CEP128: variants seen among roughly 807,000 people sequenced by gnomAD.
CEP128 encodes the protein centrosomal protein 128kDa.
In CEP128, 132 loss-of-function variants were observed where a neutral mutation model predicts 156.7. That is an observed-to-expected ratio of 0.84 (90% CI 0.73 to 0.97). The LOEUF (loss-of-function observed/expected upper bound fraction) is 0.97. Among genes scored for constraint, CEP128 ranks in the 50% least tolerant of loss-of-function variants. CEP128 has a pLI of 0.00. For missense variants in CEP128, 1,252 were observed against 1,281.9 expected (o/e 0.98, Z 0.36); for synonymous variants, 469 against 448.9 (o/e 1.04, Z -0.57).
chr14:80,589,921 T>C (rs537934144), intron 19 of CEP128, among the ~76,000 whole-genome samples: 1 of 152,298 alleles, frequency 6.6e-6, no homozygotes, highest in Non-Finnish European at 1.5e-5. Context: ...TAAATTAGTT[T>C]AATATTATAC....
chr14:80,653,064 C>A (rs992395655), intron 19 of CEP128, among the ~76,000 whole-genome samples: 1 of 152,132 alleles, frequency 6.6e-6, no homozygotes, highest in Non-Finnish European at 1.5e-5. Context: ...TGGAAACCAT[C>A]ATTCTCAGCA....
chr14:80,932,157 C>T lies in CEP128; in HGVS notation c.-16+7228G>A, dbSNP rs190644507. 9.1e-4 allele frequency among the ~76,000 whole-genome samples: 139 copies of T among 152,348 alleles called. 2 individuals carry two copies. In the South Asian group the frequency reaches 0.014, roughly 15 times the overall value. On this transcript the variant is annotated intron_variant, in intron 2 of 24. Transcript: ENST00000555265. ...AAGGATGTGTTTGCATCCCTTCCAC[C>T]ACGATTGTAGGTTTCCTGAGGCCTC...
At chr14:80,664,017 A>T (rs1290376134) in intron 19 of CEP128, among the ~76,000 whole-genome samples, 1 of 152,154 alleles carries the variant, frequency 6.6e-6, no homozygotes, top group Non-Finnish European at 1.5e-5. Flanking sequence ...AATATCACCC[A>T]TATCTGCCCC....
chr14:80,766,965 A>C (rs1481533146), intron 16 of CEP128, among the ~76,000 whole-genome samples: 47 of 152,288 alleles, frequency 3.1e-4, no homozygotes, highest in Non-Finnish European at 8.8e-5. Context: ...GTTTTGAGGA[A>C]GAATATTTTC....
At chr14:80,778,447 C>A (rs61979426) in intron 15 of CEP128, among the ~76,000 whole-genome samples, 1 of 152,320 alleles carries the variant, frequency 6.6e-6, no homozygotes, top group East Asian at 1.9e-4. Flanking sequence ...AAGGGAAATA[C>A]TATGAGATGT....
intron 19 of CEP128, among the ~76,000 whole-genome samples, chr14:80,583,712 T>A (rs1344105658): frequency 1.3e-5 from 2 of 152,224 alleles, no homozygotes. Context: ...CACCCTTGAC[T>A]GAAGCCCACA....
chr14:80,884,636 T>C (rs1013103087), intron 8 of CEP128, among the ~76,000 whole-genome samples: 4 of 152,148 alleles, frequency 2.6e-5, no homozygotes, highest in African/African-American at 4.8e-5. Flanking sequence ...CCAGACACTA[T>C]GCTTTTCCCA....
At chr14:80,708,241 G>A (rs1231132379) in intron 19 of CEP128, among the ~76,000 whole-genome samples, 1 of 152,012 alleles carries the variant, frequency 6.6e-6, no homozygotes, top group Non-Finnish European at 1.5e-5. Flanking sequence ...TCCTAAAAGG[G>A]GAATTGAAGA....
intron 20 of CEP128, among the ~76,000 whole-genome samples, chr14:80,563,537 T>A (rs1407310856): frequency 7.4e-6 from 1 of 134,848 alleles, no homozygotes; most frequent in Non-Finnish European, 1.6e-5. Flanking sequence ...TTTTTTTTTT[T>A]TTTTTTTTTT....
intron 2 of CEP128, among the ~76,000 whole-genome samples, chr14:80,918,264 C>T (rs996283460): frequency 8.5e-5 from 13 of 152,178 alleles, no homozygotes; most frequent in Non-Finnish European, 1.5e-4. Flanking sequence ...TAATGTTCAC[C>T]TTTTAAACTT....
chr14:80,681,648 C>A (rs1896328321), intron 19 of CEP128, among the ~76,000 whole-genome samples: 1 of 152,220 alleles, frequency 6.6e-6, no homozygotes, highest in African/African-American at 2.4e-5. Context: ...ATTTCCTCTT[C>A]TGGCATTCAT....
In CEP128 at chr14:80,840,749, GCTT is replaced by G. The variant is rs764378536; in HGVS notation, c.779_781del (p.Glu260del). ...TGCCCCCTCATGCTCATCTGCTTTAGCTTCTTGTTTCTTTAGTGCCTGGAATGA... is the reference window on the plus strand; with the variant it reads ...TGCCCCCTCATGCTCATCTGCTTTAGCTTGTTTCTTTAGTGCCTGGAATGA... On this transcript the variant is annotated inframe_deletion, in exon 10 of 25. Coordinates refer to ENST00000555265, the MANE Select transcript of CEP128 (RefSeq NM_152446.5). 2 of 1,609,438 alleles carry G rather than the reference GCTT, an allele frequency of 1.2e-6. No individual in the cohort carries two copies. Among genetic ancestry groups the G allele is most frequent in the East Asian group, 2.2e-5 (1 of 44,760 alleles).
At chr14:80,754,405 TG>T (rs1899537731) in intron 18 of CEP128, among the ~76,000 whole-genome samples, 1 of 151,922 alleles carries the variant, frequency 6.6e-6, no homozygotes, top group Admixed American at 6.6e-5. Context: ...CTTGTAAGAC[TG>T]AAATTATCTG....
chr14:80,855,290 C>T (rs749304976), intron 9 of CEP128, among the ~76,000 whole-genome samples: 4 of 152,100 alleles, frequency 2.6e-5, no homozygotes, highest in Non-Finnish European at 5.9e-5. Flanking sequence ...GGACTCAATT[C>T]TAGGGCTTAT....
chr14:80,525,584 G>C (rs1055554924), intron 23 of CEP128, among the ~76,000 whole-genome samples: 4 of 152,178 alleles, frequency 2.6e-5, no homozygotes, highest in Admixed American at 6.6e-5. Context: ...GCTTGAGTTT[G>C]TAGGACTTGA....
chr14:80,812,843 G>A (rs960661046), intron 13 of CEP128, among the ~76,000 whole-genome samples: 11 of 152,090 alleles, frequency 7.2e-5, no homozygotes, highest in East Asian at 1.9e-4. Flanking sequence ...GATTACAAGC[G>A]TGAGCCACCG....
chr14:80,935,036 C>G (rs1885702737), intron 2 of CEP128, among the ~76,000 whole-genome samples: 1 of 152,132 alleles, frequency 6.6e-6, no homozygotes, highest in Admixed American at 6.5e-5. Context: ...TTACAGAAAA[C>G]AGAACTAAGG....
At chr14:80,597,310 C>T (rs1002944643) in intron 19 of CEP128, among the ~76,000 whole-genome samples, 1 of 152,076 alleles carries the variant, frequency 6.6e-6, no homozygotes, top group Non-Finnish European at 1.5e-5. Flanking sequence ...CTGCAAACAA[C>T]CTTACAAACA....
chr14:80,811,595 C>CAT (rs200573611), intron 13 of CEP128, among the ~76,000 whole-genome samples: 10 of 151,440 alleles, frequency 6.6e-5, no homozygotes, highest in Admixed American at 1.3e-4. Flanking sequence ...CAGAAAATGG[C>CAT]ATATATATAT....
Sources: allele counts gnomAD v4.1 joint callset (sites outside exome capture counted in the v4.1 genomes callset), GRCh38; gene constraint gnomAD v4.1.1; transcripts MANE v1.5; gene names NCBI Gene and HGNC (gene_info 2026-07-23, HGNC 2026-07-21).